TGFBR3: variants seen among roughly 807,000 people sequenced by gnomAD.
The protein encoded by TGFBR3 is transforming growth factor beta receptor 3.
In TGFBR3, 46 loss-of-function variants were observed where a neutral mutation model predicts 87.9. The observed-to-expected ratio is 0.52, with a 90% CI of 0.41 to 0.67. TGFBR3 has a LOEUF of 0.67. TGFBR3 is among the 30% of genes least tolerant of loss of function. TGFBR3 has a pLI of 0.00. For synonymous variants in TGFBR3, 381 were observed against 391.6 expected (o/e 0.97, Z 0.32); for missense variants, 866 against 1,041.9 (o/e 0.83, Z 2.32).
At chr1:91,727,426 C>T (rs1672588724) in intron 7 of TGFBR3, among the ~76,000 whole-genome samples, 1 of 152,070 alleles carries the variant, frequency 6.6e-6, no homozygotes, top group African/African-American at 2.4e-5. Context: ...GGGGACTTGC[C>T]AAAGGTCACA....
chr1:91,740,984 C>T (rs1386340896), intron 4 of TGFBR3, among the ~76,000 whole-genome samples: 2 of 152,194 alleles, frequency 1.3e-5, no homozygotes, highest in Non-Finnish European at 2.9e-5. Context: ...TTTCTCTATG[C>T]TCACACCACT....
chr1:91,686,367 C>G (rs1356275588), intron 16 of TGFBR3, among the ~76,000 whole-genome samples: 1 of 152,186 alleles, frequency 6.6e-6, no homozygotes, highest in East Asian at 1.9e-4. Flanking sequence ...ACAAAGAAGC[C>G]TCCGCACTCA....
chr1:91,822,801 T>C (rs1228560774), intron 2 of TGFBR3, among the ~76,000 whole-genome samples: 1 of 152,008 alleles, frequency 6.6e-6, no homozygotes, highest in Non-Finnish European at 1.5e-5. Context: ...TGGCACGTGC[T>C]TGTAGTCCTA....
At chr1:91,885,817 C>T in intron 1 of TGFBR3, 61 bp downstream of exon 1, 1 of 230,552 alleles carries the variant, frequency 4.3e-6, no homozygotes, top group East Asian at 1.8e-4. Context: ...GGCACCCGCG[C>T]AGCCTGCAGA....
At position 91,682,056 on chromosome 1, in the gene TGFBR3, AT is replaced by A. The variant is rs1670927269; in HGVS notation, c.*1682del. ...AAATGTTCCTTATTGAAAAAAAAAA[AT>A]GTTCCTTATTGAATGTGTATATCTA... On this transcript the variant is annotated 3_prime_UTR_variant, in exon 17 of 17. Transcript: ENST00000212355. 1 of 453,908 alleles carries A rather than the reference AT, an allele frequency of 2.2e-6. No homozygotes were observed. The allele number at this position is 453,908 out of a possible 1,614,324, so 28.1% of individuals were successfully genotyped here.
At chr1:91,880,276 C>T (rs189784932) in intron 1 of TGFBR3, among the ~76,000 whole-genome samples, 223 of 152,236 alleles carry the variant, frequency 1.5e-3, no homozygotes, top group Admixed American at 3.3e-3. Flanking sequence ...AAAAAGTTAA[C>T]ATTTTTTAAA....
chr1:91,734,791 T>C lies in TGFBR3; in HGVS notation c.553A>G (p.Ile185Val), dbSNP rs536473318. 1 of 1,614,226 alleles carries C rather than the reference T, an allele frequency of 6.2e-7. No individual in the cohort carries two copies. Among genetic ancestry groups the C allele is most frequent in the South Asian group, 1.1e-5 (1 of 91,090 alleles). The change falls in exon 5 of 17, where the codon ATT becomes GTT. Residue 185 changes from isoleucine (I) to valine (V), a missense_variant. Transcript: ENST00000212355. ...TAAAATTTACCTTCCCCCACTTTAA[T>C]ATAAATGTTTCTTGCTATCTTGAGT... is the stretch of plus-strand genomic sequence containing the variant. ...TELKIARNIY[I>V]KVGEDQVFPP...
chr1:91,716,359 G>A lies in TGFBR3; in HGVS notation c.1743C>T (p.Ser581=), dbSNP rs369529047. The change falls in exon 12 of 17, where the codon AGC becomes AGT. Residue 581 remains serine (S), a synonymous_variant. Transcript: ENST00000212355. ...TTCCGTGGGGCTGTTCCTGGAAGCTGCTGGGGTTCCTCACCTGCTGAAGGC... is the reference window on the plus strand; with the variant it reads ...TTCCGTGGGGCTGTTCCTGGAAGCTACTGGGGTTCCTCACCTGCTGAAGGC... ...NCSLQQVRNP[S]SFQEQPHGNI... 38 of 1,614,060 alleles carry A rather than the reference G, an allele frequency of 2.4e-5. No homozygotes were observed. Among genetic ancestry groups the A allele is most frequent in the Non-Finnish European group, 1.6e-5 (19 of 1,180,030 alleles).
intron 4 of TGFBR3, among the ~76,000 whole-genome samples, chr1:91,758,402 GC>G (rs1315494238): frequency 3.3e-5 from 5 of 152,104 alleles, no homozygotes; most frequent in African/African-American, 1.2e-4. Flanking sequence ...CCCAGCCTCT[GC>G]CCACAGAAGA....
chr1:91,764,330 A>C (rs1163825614), intron 3 of TGFBR3, among the ~76,000 whole-genome samples: 1 of 132,508 alleles, frequency 7.5e-6, no homozygotes, highest in South Asian at 2.5e-4. Flanking sequence ...AAAAAAAAAA[A>C]AAAAAAAAAC....
intron 2 of TGFBR3, among the ~76,000 whole-genome samples, chr1:91,898,295 GC>G (rs1679595972): frequency 6.6e-6 from 1 of 152,094 alleles, no homozygotes; most frequent in Admixed American, 6.6e-5. Context: ...ACATGAAGAT[GC>G]TATTAGTATG....
chr1:91,801,663 T>A (rs528551866), intron 2 of TGFBR3, among the ~76,000 whole-genome samples: 14 of 152,292 alleles, frequency 9.2e-5, no homozygotes, highest in Admixed American at 4.6e-4. Context: ...ATGTTCCCTG[T>A]ACAATGGTTT....
intron 15 of TGFBR3, among the ~76,000 whole-genome samples, chr1:91,697,648 T>G (rs1671477715): frequency 6.6e-6 from 1 of 152,238 alleles, no homozygotes; most frequent in South Asian, 2.1e-4. Flanking sequence ...GCCCTTGCAC[T>G]ACGGATTGTC....
rs1401892772 is a variant in TGFBR3, at chr1:91,708,670, T to A, written c.2280A>T (p.Glu760Asp). Residue 760 changes from glutamate (E) to aspartate (D), a missense_variant, in exon 14 of 17, where the codon GAA (glutamate) becomes GAT (aspartate). By Grantham distance (45) the Glu-to-Asp change is conservative (BLOSUM62 2). Transcript: ENST00000212355. ...KPLAVIHHEA[E>D]SKEKGPSMKE... is the part of the protein sequence containing the mutation. Reference sequence around the variant, plus strand: ...GTGCCTCCCAAAGCACACCTTTAGATTCTGCTTCATGGTGGATCACAGCAA... The same window carrying A: ...GTGCCTCCCAAAGCACACCTTTAGAATCTGCTTCATGGTGGATCACAGCAA... The A allele has an allele frequency of 6.2e-7, 1 of 1,613,982 alleles. No individual in the cohort carries two copies. The highest frequency in any genetic ancestry group is 8.5e-7 in the Non-Finnish European group (1 of 1,179,946).
intron 3 of TGFBR3, among the ~76,000 whole-genome samples, chr1:91,795,812 T>C (rs6691098): frequency 0.28 from 42,829 of 152,064 alleles, 6,940 homozygotes; most frequent in African/African-American, 0.45. Flanking sequence ...ACCTGAAATA[T>C]GAGTTGCAGC....
chr1:91,725,551 C>G (rs890902454), intron 7 of TGFBR3, among the ~76,000 whole-genome samples: 1 of 152,202 alleles, frequency 6.6e-6, no homozygotes, highest in Non-Finnish European at 1.5e-5. Flanking sequence ...TGAGAACTTA[C>G]ATGCGCAGGC....
chr1:91,816,078 T>A (rs10783037), intron 2 of TGFBR3, among the ~76,000 whole-genome samples: 12 of 151,990 alleles, frequency 7.9e-5, no homozygotes, highest in Admixed American at 7.9e-4. Context: ...CTGGTTAAGA[T>A]AGAGCCACAC....
intron 3 of TGFBR3, among the ~76,000 whole-genome samples, chr1:91,783,450 G>A (rs748969671): frequency 2.1e-4 from 32 of 152,204 alleles, no homozygotes; most frequent in Non-Finnish European, 4.0e-4. Flanking sequence ...GGGCTGGACA[G>A]GAAAGCATGG....
chr1:91,716,091 G>A lies in TGFBR3; in HGVS notation c.1866+145C>T, dbSNP rs113665617. 87 of 953,870 alleles carry A rather than the reference G, an allele frequency of 9.1e-5. 1 individual carries two copies. Among genetic ancestry groups the A allele is most frequent in the Non-Finnish European group, 1.2e-4 (72 of 619,516 alleles). 59.1% of individuals were successfully genotyped at this position (953,870 alleles called of 1,614,324 possible). On this transcript the variant is annotated intron_variant, in intron 12 of 16. Coordinates refer to ENST00000212355, the MANE Select transcript of TGFBR3 (RefSeq NM_003243.5). ...TTTGGTCAGAAGTCAGTCTGGAAGC[G>A]TTCTCTGAGCCAATCCCTCATCAGA...
Sources: allele counts gnomAD v4.1 joint callset (sites outside exome capture counted in the v4.1 genomes callset), GRCh38; gene constraint gnomAD v4.1.1; transcripts MANE v1.5; gene names NCBI Gene and HGNC (gene_info 2026-07-23, HGNC 2026-07-21).